Variants in TLL2 observed in about 807,000 individuals in gnomAD.
TLL2 encodes tolloid like 2.
Under a neutral mutation model 123.0 loss-of-function variants are expected in TLL2, and 106 were observed. The ratio of observed to expected loss-of-function variants is 0.86; its 90% confidence interval spans 0.74 to 1.01. The LOEUF (loss-of-function observed/expected upper bound fraction) is 1.01, where lower values mean the gene tolerates loss of function less well. Among genes scored for constraint, TLL2 ranks in the 50% least tolerant of loss-of-function variants. The probability of loss-of-function intolerance (pLI) is 0.00; values close to 1 mark genes in which losing one functional copy is unlikely to be tolerated. For missense variants in TLL2, 1,332 were observed against 1,336.7 expected, an observed-to-expected ratio of 1.00 and a Z score of 0.06; for synonymous variants, 494 against 516.8, an observed-to-expected ratio of 0.96 and a Z score of 0.60.
intron 5 of TLL2, 99 bp downstream of exon 5, chr10:96,428,532 T>C (rs193232134): frequency 1.2e-4 from 98 of 802,254 alleles, no homozygotes; most frequent in African/African-American, 9.1e-4. Context: ...CTCCTCTAAA[T>C]AACAGCTCAT....
chr10:96,465,343 C>T (rs1847118836), intron 2 of TLL2, among the ~76,000 whole-genome samples: 1 of 152,236 alleles, frequency 6.6e-6, no homozygotes, highest in South Asian at 2.1e-4. Flanking sequence ...TCCCACCTCA[C>T]TGATTGACTG....
At chr10:96,480,864 T>C (rs1332388336) in intron 1 of TLL2, among the ~76,000 whole-genome samples, 1 of 152,242 alleles carries the variant, frequency 6.6e-6, no homozygotes, top group Admixed American at 6.5e-5. Flanking sequence ...TGCCCTTCCC[T>C]GGGGAAAGAT....
chr10:96,446,083 C>T lies in TLL2; in HGVS notation c.364+8G>A. On this transcript the variant is annotated splice_region_variant and intron_variant, in intron 3 of 20. Transcript: ENST00000357947. ...GGTACCCAAAGACCTGGTGAGGGCT[C>T]ACATTACCCTTTCCAGCTTCCTTGG... is the stretch of plus-strand genomic sequence containing the variant. The T allele has an allele frequency of 6.2e-7, 1 of 1,614,094 alleles. No homozygotes were observed. Among genetic ancestry groups the T allele is most frequent in the Non-Finnish European group, 8.5e-7 (1 of 1,179,966 alleles).
chr10:96,379,181 C>T (rs1346433746), intron 16 of TLL2, 89 bp from the exon 17 acceptor site: 34 of 1,509,874 alleles, frequency 2.3e-5, no homozygotes, highest in Non-Finnish European at 3.1e-5. Context: ...GTGGCCTCCT[C>T]TGGGAAGCCT....
rs117499562 is a variant in TLL2 at position 96,495,722 on chromosome 10, C to T, written c.176-15263G>A. On this transcript the variant is annotated intron_variant, in intron 1 of 20. Transcript: ENST00000357947. ...GGGCTCTTGGAGGAGAGGAAACAGG[C>T]GAGATGTGAATCACGCCTCCTGGAT... 9.9e-3 allele frequency among the ~76,000 whole-genome samples: 1,513 copies of T among 152,066 alleles called. 18 individuals carry two copies. Among genetic ancestry groups the T allele is most frequent in the Non-Finnish European group, 0.017 (1,133 of 67,982 alleles).
intron 2 of TLL2, among the ~76,000 whole-genome samples, chr10:96,453,210 C>A (rs1846978553): frequency 6.6e-6 from 1 of 152,162 alleles, no homozygotes; most frequent in Admixed American, 6.5e-5. Flanking sequence ...AATCCCAGCA[C>A]TTCGGGAGGC....
rs1393237155 is a variant in TLL2 at position 96,476,218 on chromosome 10, ATATG to A, written c.286+4127_286+4130del. On this transcript the variant is annotated intron_variant, in intron 2 of 20. Transcript: ENST00000357947. The stretch of plus-strand genomic sequence containing the variant: ...AAAGGTGTGGTTCCTTTTTAATTTT[ATATG>A]TATATATATATATATATATTTTATT... 2.5e-3 allele frequency among the ~76,000 whole-genome samples: 38 copies of A among 15,496 alleles called. 4 individuals carry two copies. The highest frequency in any genetic ancestry group is 3.2e-3 in the African/African-American group (26 of 8,178). 10.2% of individuals were successfully genotyped at this position (15,496 alleles called of 152,430 possible). A position where few individuals can be genotyped will look rare whatever the true frequency, so the allele number is the denominator to read the frequency against.
intron 1 of TLL2, among the ~76,000 whole-genome samples, chr10:96,481,160 T>TA (rs56271502): frequency 0.32 from 48,792 of 151,030 alleles, 8,156 homozygotes; most frequent in East Asian, 0.44. Context: ...TTTTTTTTTT[T>TA]AAGAGAGACA....
chr10:96,374,118 G>A (rs570240693), intron 18 of TLL2: 156 of 348,986 alleles, frequency 4.5e-4, no homozygotes, highest in Admixed American at 5.1e-4. Context: ...GCTATTAAGC[G>A]ACAGAGCCAG....
chr10:96,476,879 C>CACACACACACAG (rs1847261726), intron 2 of TLL2, among the ~76,000 whole-genome samples: 1 of 149,066 alleles, frequency 6.7e-6, no homozygotes, highest in African/African-American at 2.5e-5. Context: ...CACACACACA[C>CACACACACACAG]ACACACACAC....
At chr10:96,394,153 T>C (rs1045014542) in intron 13 of TLL2, among the ~76,000 whole-genome samples, 2 of 152,084 alleles carry the variant, frequency 1.3e-5, no homozygotes, top group Admixed American at 6.5e-5. Flanking sequence ...ATTTCTGTGC[T>C]GGCTCAGCCA....
rs536938721 is a variant in TLL2 at position 96,487,566 on chromosome 10, G to A, written c.176-7107C>T. Among the ~76,000 whole-genome samples the A allele has an allele frequency of 2.6e-5, 4 of 152,294 alleles. No homozygotes were observed. The East Asian group carries it at 7.7e-4, about 29-fold the overall frequency. Reference sequence around the variant, plus strand: ...AGGGGTAGGGGTGGGGGTTGAAGTAGGTGGAGTTGGGGGAGGGAGAGGAGA... The same window carrying A: ...AGGGGTAGGGGTGGGGGTTGAAGTAAGTGGAGTTGGGGGAGGGAGAGGAGA... On this transcript the variant is annotated intron_variant, in intron 1 of 20. Transcript: ENST00000357947.
In TLL2 at chr10:96,425,629, AT is replaced by A. The variant is rs575082854; in HGVS notation, c.639-2903del. ...ATTAAAGTTGTGATTTTTTCCCATCATAAAAGTGTATCAAACTATTTCATGT... is the reference window on the plus strand; with the variant it reads ...ATTAAAGTTGTGATTTTTTCCCATCAAAAAGTGTATCAAACTATTTCATGT... On this transcript the variant is annotated intron_variant, in intron 5 of 20. Transcript: ENST00000357947. Among the ~76,000 whole-genome samples, 44 of 151,914 alleles carry A rather than the reference AT, an allele frequency of 2.9e-4. 1 individual carries two copies. In the South Asian group the frequency reaches 7.1e-3, roughly 24 times the overall value.
intron 10 of TLL2, among the ~76,000 whole-genome samples, chr10:96,403,721 A>C (rs1484584043): frequency 6.6e-6 from 1 of 152,096 alleles, no homozygotes; most frequent in Non-Finnish European, 1.5e-5. Context: ...TTAGTAAAAG[A>C]GGAAAGCCTC....
At chr10:96,461,189 A>G (rs1023599582) in intron 2 of TLL2, among the ~76,000 whole-genome samples, 3 of 152,232 alleles carry the variant, frequency 2.0e-5, no homozygotes, top group African/African-American at 7.2e-5. Context: ...TGGACTTTTC[A>G]TTGTGTGAGC....
chr10:96,466,199 G>A (rs933967637), intron 2 of TLL2, among the ~76,000 whole-genome samples: 2 of 152,204 alleles, frequency 1.3e-5, no homozygotes, highest in African/African-American at 4.8e-5. Context: ...AGGTGGGTGG[G>A]ACCAAGTCCA....
chr10:96,376,848 G>A (rs769312340), intron 17 of TLL2, 29 bp from the exon 18 acceptor site: 2 of 1,496,450 alleles, frequency 1.3e-6, no homozygotes, highest in Non-Finnish European at 1.8e-6. Flanking sequence ...CACATACAAA[G>A]AGAGAAGTCA....
At chr10:96,497,070 C>T (rs957032616) in intron 1 of TLL2, among the ~76,000 whole-genome samples, 2 of 151,520 alleles carry the variant, frequency 1.3e-5, no homozygotes, top group South Asian at 2.1e-4. Context: ...CACTTGAGAT[C>T]AGGAGTTTAA....
chr10:96,397,080 G>A (rs1646025825), intron 11 of TLL2, 106 bp downstream of exon 11: 2 of 1,006,596 alleles, frequency 2.0e-6, no homozygotes, highest in Admixed American at 2.5e-5. Context: ...CCCCACCCCT[G>A]TGGCTCTGGC....
Sources: allele counts gnomAD v4.1 joint callset (sites outside exome capture counted in the v4.1 genomes callset), GRCh38; gene constraint gnomAD v4.1.1; transcripts MANE v1.5; gene names NCBI Gene and HGNC (gene_info 2026-07-23, HGNC 2026-07-21).